NTPCR: variants seen among roughly 807,000 people sequenced by gnomAD.
NTPCR encodes cancer-related nucleoside-triphosphatase.
NTPCR carries 15 observed loss-of-function variants against 19.5 expected under a neutral mutation model. That is an observed-to-expected ratio of 0.77 (90% CI 0.51 to 1.18). The LOEUF (loss-of-function observed/expected upper bound fraction) is 1.18, where lower values mean the gene tolerates loss of function less well. Among genes scored for constraint, NTPCR ranks in the 50% most tolerant of loss-of-function variants. The pLI is 0.00. For missense variants in NTPCR, 206 were observed against 240.4 expected (o/e 0.86, Z 0.95); for synonymous variants, 90 against 95.8 (o/e 0.94, Z 0.36).
At chr1:232,976,366 C>A (rs989066313) in intron 4 of NTPCR, 3 of 1,546,790 alleles carry the variant, frequency 1.9e-6, no homozygotes, top group Non-Finnish European at 2.6e-6. Flanking sequence ...CATAGAAGAC[C>A]AGAGCAAATT....
chr1:232,966,495 T>A (rs746330608), intron 3 of NTPCR: 9 of 152,252 alleles, frequency 5.9e-5, no homozygotes, highest in Non-Finnish European at 1.3e-4. Flanking sequence ...TTATTTTATA[T>A]TTATATGTTC....
At chr1:232,970,301 C>A (rs2102754391) in intron 4 of NTPCR, among the ~76,000 whole-genome samples, 183 bp downstream of exon 4, 1 of 152,160 alleles carries the variant, frequency 6.6e-6, no homozygotes, top group African/African-American at 2.4e-5. Context: ...GATGAAAAAA[C>A]AAACTCGCTT....
intron 3 of NTPCR, chr1:232,967,712 C>T (rs1668858705): frequency 6.6e-6 from 1 of 152,214 alleles, no homozygotes. Flanking sequence ...TCTTTCATAT[C>T]ACTTCTTGTC....
intron 1 of NTPCR, chr1:232,950,950 A>G (rs1195866970): frequency 1.8e-6 from 1 of 545,242 alleles, no homozygotes; most frequent in African/African-American, 2.0e-5. Context: ...CTAAAGGATT[A>G]GAACACACTT....
At chr1:232,957,662 T>C (rs1668551068) in intron 3 of NTPCR, among the ~76,000 whole-genome samples, 2 of 152,238 alleles carry the variant, frequency 1.3e-5, no homozygotes, top group Non-Finnish European at 2.9e-5. Flanking sequence ...TATGTATCTA[T>C]TTATCAGATA....
At chr1:232,961,923 G>C (rs1405688232) in intron 3 of NTPCR, 4 of 152,070 alleles carry the variant, frequency 2.6e-5, no homozygotes, top group African/African-American at 9.7e-5. Context: ...AGAGTTATCT[G>C]TTCTCTTCCA....
intron 3 of NTPCR, chr1:232,969,162 C>G (rs1208055260): frequency 6.6e-6 from 1 of 152,272 alleles, no homozygotes; most frequent in African/African-American, 2.4e-5. Context: ...CATGTGGTTG[C>G]TGGCAGGTTC....
At chr1:232,962,945 C>T (rs892088359) in intron 3 of NTPCR, 1 of 152,152 alleles carries the variant, frequency 6.6e-6, no homozygotes, top group East Asian at 1.9e-4. Context: ...TTCCTTAGGT[C>T]ACTCTCAGGC....
chr1:232,975,081 A>G (rs1255060301), intron 4 of NTPCR, among the ~76,000 whole-genome samples: 1 of 152,208 alleles, frequency 6.6e-6, no homozygotes, highest in South Asian at 2.1e-4. Context: ...TAACATTGAA[A>G]ATGTTATCAA....
At chr1:232,974,260 T>C (rs1669065509) in intron 4 of NTPCR, among the ~76,000 whole-genome samples, 2 of 152,226 alleles carry the variant, frequency 1.3e-5, no homozygotes, top group Admixed American at 1.3e-4. Context: ...TTGAAACAAC[T>C]GTCGACTCAT....
At chr1:232,953,034 C>T (rs912615387) in intron 1 of NTPCR, among the ~76,000 whole-genome samples, 1 of 152,166 alleles carries the variant, frequency 6.6e-6, no homozygotes, top group Non-Finnish European at 1.5e-5. Context: ...CTTTCTCACT[C>T]CTCAGACAGG....
chr1:232,953,968 T>C (rs1442992201), intron 1 of NTPCR, among the ~76,000 whole-genome samples: 1 of 152,238 alleles, frequency 6.6e-6, no homozygotes, highest in East Asian at 1.9e-4. Context: ...GTTTTGCTAT[T>C]ATAAAGAATG....
At chr1:232,951,108 G>A (rs1668353427) in intron 1 of NTPCR, 1 of 231,482 alleles carries the variant, frequency 4.3e-6, no homozygotes, top group South Asian at 1.4e-4. Flanking sequence ...AAGTGGAGAT[G>A]TCTAATTTCT....
intron 3 of NTPCR, chr1:232,963,165 C>T (rs554566893): frequency 6.6e-6 from 1 of 152,318 alleles, no homozygotes; most frequent in East Asian, 1.9e-4. Context: ...TAAAAGCTAT[C>T]TGGCGCAAAC....
Position 232,958,415 on chromosome 1 carries a change from C to T in NTPCR, c.294+1972C>T, listed in dbSNP as rs1029765096. ...ACGCTGTCTTCATAGATCTTTGCCT[C>T]TCTGCTCCTTGACATTCAGAGCTCA... On this transcript the variant is annotated intron_variant, in intron 3 of 4. Coordinates refer to ENST00000366628, the MANE Select transcript of NTPCR (RefSeq NM_032324.3). 2.0e-5 allele frequency among the ~76,000 whole-genome samples: 3 copies of T among 152,250 alleles called. No homozygotes were observed. The East Asian group carries it at 5.8e-4, about 29-fold the overall frequency.
At chr1:232,956,858 ATTACC>A (rs1032217774) in intron 3 of NTPCR, among the ~76,000 whole-genome samples, 53 of 152,154 alleles carry the variant, frequency 3.5e-4, no homozygotes, top group African/African-American at 1.3e-3. Context: ...ATATTATTAT[ATTACC>A]TTTTTTAAAA....
At position 232,955,681 on chromosome 1, in the gene NTPCR, C is replaced by T. The variant is rs1461427162; in HGVS notation, c.159C>T (p.Val53=). 1 of 1,613,998 alleles carries T rather than the reference C, an allele frequency of 6.2e-7. No individual in the cohort carries two copies. The change falls in exon 2 of 5, where the codon GTC becomes GTT. Residue 53 remains valine, a synonymous_variant. Coordinates refer to ENST00000366628, the MANE Select transcript of NTPCR (RefSeq NM_032324.3). ...QGGRRIGFDV[V]TLSGTRGPLS... Reference sequence around the variant, plus strand: ...GGAGAAGAATAGGATTCGATGTCGTCACGTTGTCCGGCACCCGGGGGCCTT... The same window carrying T: ...GGAGAAGAATAGGATTCGATGTCGTTACGTTGTCCGGCACCCGGGGGCCTT...
rs1669277822 is a variant in NTPCR, at chr1:232,981,476, T to C, written c.*3245T>C. 1 of 152,212 alleles carries C rather than the reference T, an allele frequency of 6.6e-6. No homozygotes were observed. The highest frequency in any genetic ancestry group is 2.1e-4 in the South Asian group (1 of 4,832). The allele number at this position is 152,212 out of a possible 1,614,324, so 9.4% of individuals were successfully genotyped here. A position where few individuals can be genotyped will look rare whatever the true frequency, so the allele number is the denominator to read the frequency against. On this transcript the variant is annotated 3_prime_UTR_variant, in exon 5 of 5. Transcript: ENST00000366628. ...CATAGTGACTTGGGACAAAACAGCA[T>C]GGTAGATGAGGCTGGAGACGGGTGG...
In NTPCR at chr1:232,981,643, T is replaced by C. The variant is rs985261539; in HGVS notation, c.*3412T>C. ...AATGCCAAATTGGCCACATGATTTA[T>C]ATAAAACCAAGTGCTATGGTTTTAA... On this transcript the variant is annotated 3_prime_UTR_variant, in exon 5 of 5. Coordinates refer to ENST00000366628, the MANE Select transcript of NTPCR (RefSeq NM_032324.3). The C allele has an allele frequency of 1.4e-4, 22 of 152,022 alleles. No individual in the cohort carries two copies. Among genetic ancestry groups the C allele is most frequent in the African/African-American group, 5.3e-4 (22 of 41,392 alleles). 9.4% of individuals were successfully genotyped at this position (152,022 alleles called of 1,614,324 possible). A position where few individuals can be genotyped will look rare whatever the true frequency, so the allele number is the denominator to read the frequency against.
Sources: gnomAD v4.1 joint callset for allele counts (sites outside exome capture counted in the v4.1 genomes callset) on GRCh38, gnomAD v4.1.1 for gene constraint, MANE v1.5 for transcripts, NCBI Gene and HGNC (gene_info 2026-07-23, HGNC 2026-07-21) for gene names.